GALNT18: variants seen among roughly 807,000 people sequenced by gnomAD.
GALNT18 encodes the protein polypeptide N-acetylgalactosaminyltransferase 18.
In GALNT18, 44 loss-of-function variants were observed where a neutral mutation model predicts 69.5. The ratio of observed to expected loss-of-function variants is 0.63; its 90% CI spans 0.50 to 0.81. GALNT18 has a LOEUF of 0.81. Ranked by LOEUF, GALNT18 falls within the 40% of genes least tolerant of loss-of-function variation. The pLI is 0.00. For synonymous variants in GALNT18, 364 were observed against 318.2 expected (o/e 1.14, Z -1.53); for missense variants, 715 against 810.0 (o/e 0.88, Z 1.42).
At chr11:11,399,290 A>G (rs1854406427) in intron 3 of GALNT18, among the ~76,000 whole-genome samples, 1 of 152,150 alleles carries the variant, frequency 6.6e-6, no homozygotes, top group African/African-American at 2.4e-5. Context: ...ACTTTGAGAA[A>G]CAGATGTCTG....
Position 11,315,409 on chromosome 11 carries a change from G to A in GALNT18, c.1512+11677C>T, listed in dbSNP as rs1254585658. On this transcript the variant is annotated intron_variant, in intron 9 of 10. Transcript: ENST00000227756. This position sits in a 1 kb window ranked among gnomAD's most constrained non-coding sequence, Gnocchi z 5.6. ...GACAGACAGAATAGCACGTTCCTGA[G>A]CTCTGGAACACAGGCAAGGATACGT... Among the ~76,000 whole-genome samples the A allele has an allele frequency of 6.6e-6, 1 of 152,146 alleles. No individual in the cohort carries two copies. The highest frequency in any genetic ancestry group is 2.4e-5 in the African/African-American group (1 of 41,422).
In GALNT18 at chr11:11,517,514, G is replaced by C. The variant is rs368360960; in HGVS notation, c.236-68578C>G. ...ATATATGGACTTAATTTAATCAATT[G>C]AAATGCATATTTGTGGTGTGTTAGT... On this transcript the variant is annotated intron_variant, in intron 1 of 10. Transcript: ENST00000227756. Among the ~76,000 whole-genome samples the C allele has an allele frequency of 8.5e-5, 13 of 152,298 alleles. No homozygotes were observed. The East Asian group carries it at 2.3e-3, about 27-fold the overall frequency.
rs1324075505 is a variant in GALNT18 at position 11,465,533 on chromosome 11, G to A, written c.236-16597C>T. ...ACAGAAGCCAAAGCCACCTGGCCAT[G>A]AGGTCAGGAAGCACAGCTTAGGAAG... On this transcript the variant is annotated intron_variant, in intron 1 of 10. Coordinates refer to ENST00000227756, the MANE Select transcript of GALNT18 (RefSeq NM_198516.3). This position sits in a 1 kb window ranked among gnomAD's most constrained non-coding sequence, Gnocchi z 5.7. Among the ~76,000 whole-genome samples the A allele has an allele frequency of 1.3e-5, 2 of 152,172 alleles. No individual in the cohort carries two copies. Among genetic ancestry groups the A allele is most frequent in the African/African-American group, 4.8e-5 (2 of 41,426 alleles).
At chr11:11,418,177 C>T (rs115132492) in intron 3 of GALNT18, among the ~76,000 whole-genome samples, 1,728 of 152,278 alleles carry the variant, frequency 0.011, 33 homozygotes, top group African/African-American at 0.039. Flanking sequence ...TCCTCAGAGT[C>T]ATTCACTGAG....
chr11:11,339,560 C>CGAATA lies in GALNT18; in HGVS notation c.1278+1258_1278+1259insTATTC. ...GGACACCTACCACAGGGCTTGGCAC[C>CGAATA]CCGTGCAGAATACCGTGATTCAATC... On this transcript the variant is annotated intron_variant, in intron 7 of 10. Coordinates refer to ENST00000227756, the MANE Select transcript of GALNT18 (RefSeq NM_198516.3). This position sits in a 1 kb window ranked among gnomAD's most constrained non-coding sequence, Gnocchi z 5.2. 6.6e-6 allele frequency among the ~76,000 whole-genome samples: 1 copy of CGAATA among 152,138 alleles called. No homozygotes were observed. The highest frequency in any genetic ancestry group is 1.5e-5 in the Non-Finnish European group (1 of 68,032).
intron 1 of GALNT18, among the ~76,000 whole-genome samples, chr11:11,608,950 T>C (rs1859819141): frequency 6.6e-6 from 1 of 152,254 alleles, no homozygotes; most frequent in Admixed American, 6.5e-5. Flanking sequence ...ATTCTGACAA[T>C]TCGCTCTTCT....
chr11:11,578,348 A>AC (rs1554954038), intron 1 of GALNT18, among the ~76,000 whole-genome samples: 14 of 150,252 alleles, frequency 9.3e-5, no homozygotes, highest in South Asian at 4.2e-4. Flanking sequence ...AAAAAAAAAA[A>AC]CTCAATAAGC....
In GALNT18 at chr11:11,271,063, A is replaced by G; in HGVS notation, c.*81T>C. 7.2e-7 allele frequency: 1 copy of G among 1,379,864 alleles called. No homozygotes were observed. Among genetic ancestry groups the G allele is most frequent in the Non-Finnish European group, 9.9e-7 (1 of 1,014,232 alleles). The allele number at this position is 1,379,864 out of a possible 1,614,324, so 85.5% of individuals were successfully genotyped here. A position where few individuals can be genotyped will look rare whatever the true frequency, so the allele number is the denominator to read the frequency against. On this transcript the variant is annotated 3_prime_UTR_variant, in exon 11 of 11. Coordinates refer to ENST00000227756, the MANE Select transcript of GALNT18 (RefSeq NM_198516.3). ...ACTAACCTGGTTCCCCAGACTCCAAACAACCCCACGTGGACAGCAGGCAAC... is the reference window on the plus strand; with the variant it reads ...ACTAACCTGGTTCCCCAGACTCCAAGCAACCCCACGTGGACAGCAGGCAAC...
chr11:11,517,159 C>G (rs1183294261), intron 1 of GALNT18, among the ~76,000 whole-genome samples: 1 of 152,198 alleles, frequency 6.6e-6, no homozygotes, highest in Admixed American at 6.5e-5. Flanking sequence ...TTCCAGCCTC[C>G]AGAACTATAA....
rs1175227849 is a variant in GALNT18 at position 11,413,414 on chromosome 11, G to C, written c.595+19207C>G. Among the ~76,000 whole-genome samples the C allele has an allele frequency of 6.6e-5, 10 of 152,206 alleles. No individual in the cohort carries two copies. Among genetic ancestry groups the C allele is most frequent in the Admixed American group, 5.2e-4 (8 of 15,292 alleles). On this transcript the variant is annotated intron_variant, in intron 3 of 10. Coordinates refer to ENST00000227756, the MANE Select transcript of GALNT18 (RefSeq NM_198516.3). This position sits in a 1 kb window ranked among gnomAD's most constrained non-coding sequence, Gnocchi z 4.7. ...TCTGGAGGCCATTTGATCTGGGGAG[G>C]TGATTTTAATCAGGGATTTGATCAT...
chr11:11,417,136 C>T (rs1056254211), intron 3 of GALNT18, among the ~76,000 whole-genome samples: 1 of 152,204 alleles, frequency 6.6e-6, no homozygotes, highest in Non-Finnish European at 1.5e-5. Flanking sequence ...GTCTACAACC[C>T]AGGGACAGAA....
intron 3 of GALNT18, among the ~76,000 whole-genome samples, chr11:11,412,595 G>A (rs1854756676): frequency 6.6e-6 from 1 of 152,238 alleles, no homozygotes; most frequent in Non-Finnish European, 1.5e-5. Flanking sequence ...TGCATGACCT[G>A]CAGAGGTTCC....
chr11:11,329,319 T>C (rs1477769147), intron 8 of GALNT18, among the ~76,000 whole-genome samples: 1 of 152,216 alleles, frequency 6.6e-6, no homozygotes, highest in Non-Finnish European at 1.5e-5. Context: ...TCAGGTACCA[T>C]GTGAAGTGCT....
intron 1 of GALNT18, among the ~76,000 whole-genome samples, chr11:11,557,705 G>A (rs1477092813): frequency 6.6e-6 from 1 of 152,162 alleles, no homozygotes; most frequent in Non-Finnish European, 1.5e-5. Flanking sequence ...AGGGGAATTG[G>A]GGACCCAGAG....
intron 9 of GALNT18, among the ~76,000 whole-genome samples, chr11:11,293,419 G>A (rs987532739): frequency 2.0e-5 from 3 of 151,596 alleles, no homozygotes; most frequent in African/African-American, 7.3e-5. Flanking sequence ...ATAACTACAA[G>A]AAATAAAACA....
intron 1 of GALNT18, among the ~76,000 whole-genome samples, chr11:11,594,903 G>A (rs1859459228): frequency 1.6e-5 from 2 of 127,514 alleles, no homozygotes; most frequent in African/African-American, 5.5e-5. Context: ...TATACACACA[G>A]ATACAAAATA....
rs1280681123 is a variant in GALNT18 at position 11,382,703 on chromosome 11, G to A, written c.596-3439C>T. ...ATCTTTGCTAAACCTTTGATTTTCT[G>A]GTTCAAATTTAAAAGCTGATTGACT... On this transcript the variant is annotated intron_variant, in intron 3 of 10. Coordinates refer to ENST00000227756, the MANE Select transcript of GALNT18 (RefSeq NM_198516.3). The surrounding 1 kb of genome is among the most constrained non-coding windows in gnomAD (Gnocchi z 4.3). Among the ~76,000 whole-genome samples the A allele has an allele frequency of 6.6e-6, 1 of 151,870 alleles. No individual in the cohort carries two copies. The highest frequency in any genetic ancestry group is 2.4e-5 in the African/African-American group (1 of 41,304).
rs746812888 is a variant in GALNT18, at chr11:11,419,003, G to A, written c.595+13618C>T. Reference sequence around the variant, plus strand: ...AACCAGGTCACTACCCTAGTTGTAGGTCAGGTGCTCAGTGGAGAACCACCT... The same window carrying A: ...AACCAGGTCACTACCCTAGTTGTAGATCAGGTGCTCAGTGGAGAACCACCT... On this transcript the variant is annotated intron_variant, in intron 3 of 10. Coordinates refer to ENST00000227756, the MANE Select transcript of GALNT18 (RefSeq NM_198516.3). Among the ~76,000 whole-genome samples the A allele has an allele frequency of 2.8e-4, 43 of 152,302 alleles. 1 individual carries two copies. Among genetic ancestry groups the A allele is most frequent in the Non-Finnish European group, 5.4e-4 (37 of 68,026 alleles).
intron 1 of GALNT18, among the ~76,000 whole-genome samples, chr11:11,527,099 T>C (rs992017619): frequency 1.3e-5 from 2 of 152,086 alleles, no homozygotes; most frequent in Non-Finnish European, 2.9e-5. Flanking sequence ...GCCAGGAATG[T>C]TTCCTGTCTA....
Sources: allele counts gnomAD v4.1 joint callset (sites outside exome capture counted in the v4.1 genomes callset), GRCh38; gene constraint gnomAD v4.1.1; non-coding constraint Gnocchi (gnomAD v3.1); transcripts MANE v1.5; gene names NCBI Gene and HGNC (gene_info 2026-07-23, HGNC 2026-07-21).